The following SLC9A9 variants were observed in gnomAD, a reference collection of about 807,000 sequenced individuals.
SLC9A9 encodes the protein solute carrier family 9 member A9, also known as sodium/hydrogen exchanger 9.
A neutral mutation model predicts 77.8 loss-of-function variants in SLC9A9; 62 were observed. The ratio of observed to expected loss-of-function variants is 0.80; its 90% CI spans 0.65 to 0.98. SLC9A9 has a LOEUF of 0.98. Among genes scored for constraint, SLC9A9 ranks in the 50% least tolerant of loss-of-function variants. SLC9A9 has a pLI of 0.00. For synonymous variants in SLC9A9, 320 were observed against 283.5 expected (o/e 1.13, Z -1.29); for missense variants, 775 against 774.9 (o/e 1.00, Z 0.00).
intron 4 of SLC9A9, among the ~76,000 whole-genome samples, chr3:143,731,970 C>T (rs1333218613): frequency 1.3e-5 from 2 of 152,220 alleles, no homozygotes; most frequent in Admixed American, 6.5e-5. Flanking sequence ...TGCAATATGT[C>T]CAGGAACTGC....
intron 11 of SLC9A9, among the ~76,000 whole-genome samples, chr3:143,471,211 G>A (rs1020921994): frequency 1.3e-5 from 2 of 152,158 alleles, no homozygotes; most frequent in Non-Finnish European, 2.9e-5. Flanking sequence ...TGAGGCTGCC[G>A]GGTGGACAAA....
intron 14 of SLC9A9, among the ~76,000 whole-genome samples, chr3:143,271,368 C>T (rs1937894379): frequency 6.6e-6 from 1 of 152,184 alleles, no homozygotes; most frequent in African/African-American, 2.4e-5. Flanking sequence ...ACTTTACTGA[C>T]CATATGGCCT....
intron 13 of SLC9A9, among the ~76,000 whole-genome samples, chr3:143,367,885 T>C (rs2032953807): frequency 6.6e-6 from 1 of 152,182 alleles, no homozygotes; most frequent in Admixed American, 6.5e-5. Context: ...AGAACAAGCA[T>C]AGGTGCCAGA....
At chr3:143,405,574 C>A (rs2033960139) in intron 12 of SLC9A9, among the ~76,000 whole-genome samples, 1 of 152,132 alleles carries the variant, frequency 6.6e-6, no homozygotes, top group African/African-American at 2.4e-5. Context: ...TCTCAGCCTG[C>A]TGCATGTGGG....
chr3:143,552,498 C>G (rs764186839), intron 8 of SLC9A9, 48 bp from the exon 9 acceptor site: 1 of 1,537,016 alleles, frequency 6.5e-7, no homozygotes, highest in Admixed American at 1.7e-5. Flanking sequence ...TCTTTTCCAT[C>G]CAAGTCAAAG....
intron 9 of SLC9A9, chr3:143,517,467 T>G: frequency 1.3e-6 from 2 of 1,597,884 alleles, no homozygotes; most frequent in Non-Finnish European, 8.5e-7. Context: ...TGAGCCTTCT[T>G]AACTCGTTCT....
At chr3:143,803,591 C>T (rs543094396) in intron 2 of SLC9A9, among the ~76,000 whole-genome samples, 1 of 152,276 alleles carries the variant, frequency 6.6e-6, no homozygotes, top group East Asian at 1.9e-4. Flanking sequence ...GCAGGGCACC[C>T]TTCAATACTT....
intron 14 of SLC9A9, among the ~76,000 whole-genome samples, chr3:143,348,291 G>A (rs1307832805): frequency 5.9e-5 from 9 of 152,158 alleles, no homozygotes; most frequent in African/African-American, 2.2e-4. Context: ...CACTGCGCCC[G>A]GCCCGAAGTT....
chr3:143,686,530 G>T (rs1251579015), intron 5 of SLC9A9, among the ~76,000 whole-genome samples: 2 of 152,026 alleles, frequency 1.3e-5, no homozygotes, highest in Non-Finnish European at 2.9e-5. Context: ...AAGAAGGTGG[G>T]GAGGGAGCAA....
intron 9 of SLC9A9, among the ~76,000 whole-genome samples, chr3:143,499,586 T>C (rs2035895068): frequency 6.6e-6 from 1 of 152,146 alleles, no homozygotes; most frequent in African/African-American, 2.4e-5. Context: ...GATAGGTTTT[T>C]TTCCTTTCCA....
chr3:143,758,845 G>T (rs1050406417), intron 4 of SLC9A9, among the ~76,000 whole-genome samples: 5 of 152,036 alleles, frequency 3.3e-5, no homozygotes, highest in Non-Finnish European at 5.9e-5. Context: ...TGACAGAAAA[G>T]GGAGGATTGC....
chr3:143,411,858 A>G (rs1395900562), intron 12 of SLC9A9, among the ~76,000 whole-genome samples: 2 of 152,136 alleles, frequency 1.3e-5, no homozygotes, highest in East Asian at 3.9e-4. Context: ...GGGGTATTCT[A>G]TCAGACAGGG....
intron 4 of SLC9A9, among the ~76,000 whole-genome samples, chr3:143,707,577 G>GATAAATTACTATGTTCA (rs1346568512): frequency 2.1e-4 from 32 of 152,238 alleles, no homozygotes; most frequent in African/African-American, 7.7e-4. Flanking sequence ...TATGTTCATT[G>GATAAATTACTATGTTCA]TTCCTGATAA....
chr3:143,311,774 C>T (rs562895996), intron 14 of SLC9A9, among the ~76,000 whole-genome samples: 1 of 152,296 alleles, frequency 6.6e-6, no homozygotes, highest in South Asian at 2.1e-4. Flanking sequence ...GTTCTTTTGT[C>T]TCTGTGTGTG....
intron 6 of SLC9A9, among the ~76,000 whole-genome samples, chr3:143,649,709 T>C (rs2038766514): frequency 6.6e-6 from 1 of 152,130 alleles, no homozygotes; most frequent in Non-Finnish European, 1.5e-5. Flanking sequence ...TGGCAGAAGA[T>C]GGGAAGGTAA....
At chr3:143,311,008 T>G (rs1314355303) in intron 14 of SLC9A9, among the ~76,000 whole-genome samples, 1 of 152,196 alleles carries the variant, frequency 6.6e-6, no homozygotes, top group Non-Finnish European at 1.5e-5. Context: ...TACCCAAGGT[T>G]GCAAAAGGGA....
At chr3:143,800,324 C>T (rs1350303212) in intron 2 of SLC9A9, among the ~76,000 whole-genome samples, 1 of 152,162 alleles carries the variant, frequency 6.6e-6, no homozygotes, top group Non-Finnish European at 1.5e-5. Flanking sequence ...TTATCACTTG[C>T]CTGTTACAGC....
intron 6 of SLC9A9, among the ~76,000 whole-genome samples, chr3:143,612,824 T>G (rs1379335764): frequency 1.3e-5 from 2 of 152,338 alleles, no homozygotes; most frequent in East Asian, 3.9e-4. Context: ...ACTTGAATAT[T>G]ACACATAAAC....
chr3:143,629,751 T>C (rs1252896490), intron 6 of SLC9A9, among the ~76,000 whole-genome samples: 3 of 152,086 alleles, frequency 2.0e-5, no homozygotes, highest in African/African-American at 7.2e-5. Flanking sequence ...TAGGTGGCAC[T>C]GGGGGTAGAG....
Sources: gnomAD v4.1 joint callset for allele counts (sites outside exome capture counted in the v4.1 genomes callset) on GRCh38, gnomAD v4.1.1 for gene constraint, MANE v1.5 for transcripts, NCBI Gene and HGNC (gene_info 2026-07-23, HGNC 2026-07-21) for gene names.